The following DNAJC16 variants were observed in gnomAD, a reference collection of about 807,000 sequenced individuals.
DNAJC16 encodes DnaJ heat shock protein family (Hsp40) member C16.
In DNAJC16, 76 loss-of-function variants were observed where a neutral mutation model predicts 92.7. The observed-to-expected ratio is 0.82, with a 90% CI of 0.68 to 0.99. The LOEUF (loss-of-function observed/expected upper bound fraction) is 0.99. Ranked by LOEUF, DNAJC16 falls within the 50% of genes least tolerant of loss-of-function variation. DNAJC16 has a pLI of 0.00. For missense variants in DNAJC16, 869 were observed against 942.4 expected (o/e 0.92, Z 1.02); for synonymous variants, 328 against 358.7 (o/e 0.91, Z 0.97).
At chr1:15,536,848 A>G (rs1361402108) in intron 4 of DNAJC16, 34 bp downstream of exon 4, 2 of 1,545,116 alleles carry the variant, frequency 1.3e-6, no homozygotes, top group Admixed American at 2.1e-5. Context: ...AGATATTTAT[A>G]TAGATGACTT....
rs1330508634 is a variant in DNAJC16, at chr1:15,544,557, C to G, written c.733C>G (p.Leu245Val). Residue 245 changes from leucine to valine, a missense_variant, in exon 5 of 15, where the codon CTT becomes GTT. Leu to Val is a conservative substitution (Grantham distance 32). Coordinates refer to ENST00000375847, the MANE Select transcript of DNAJC16 (RefSeq NM_015291.4). ...RENLRQFVES[L>V]LPGNLVEKVT... ...AAATCTGCGACAATTTGTAGAAAGT[C>G]TTCTTCCAGGGAACTTGGTGGAGAA... 1 of 1,613,978 alleles carries G rather than the reference C, an allele frequency of 6.2e-7. No homozygotes were observed. Among genetic ancestry groups the G allele is most frequent in the Non-Finnish European group, 8.5e-7 (1 of 1,180,010 alleles).
At chr1:15,542,796 G>A (rs1710963470) in intron 4 of DNAJC16, among the ~76,000 whole-genome samples, 1 of 152,214 alleles carries the variant, frequency 6.6e-6, no homozygotes, top group Non-Finnish European at 1.5e-5. Flanking sequence ...AGCGTGTGGT[G>A]TCAGAAGGGA....
chr1:15,533,016 T>C (rs1710694394), intron 2 of DNAJC16, among the ~76,000 whole-genome samples: 1 of 152,202 alleles, frequency 6.6e-6, no homozygotes, highest in African/African-American at 2.4e-5. Context: ...CCCAGTGAAT[T>C]GTTTTTCTTT....
At chr1:15,552,974 T>A (rs1050853061) in intron 7 of DNAJC16, among the ~76,000 whole-genome samples, 2 of 152,018 alleles carry the variant, frequency 1.3e-5, no homozygotes, top group African/African-American at 4.8e-5. Flanking sequence ...TTCACCATGT[T>A]GGCCAGGCTG....
Position 15,568,597 on chromosome 1 carries a change from C to T in DNAJC16, c.*420C>T. ...TCATTGGCCCCTTCCCCAATCCCGG[C>T]CCTGCTGTGCTGCTGCCATGGCGCA... On this transcript the variant is annotated 3_prime_UTR_variant, in exon 15 of 15. Transcript: ENST00000375847. 2.5e-6 allele frequency: 1 copy of T among 407,082 alleles called. No homozygotes were observed. The highest frequency in any genetic ancestry group is 4.3e-6 in the Non-Finnish European group (1 of 230,888). The allele number at this position is 407,082 out of a possible 1,614,324, so 25.2% of individuals were successfully genotyped here.
chr1:15,544,313 A>G, intron 4 of DNAJC16, 86 bp from the exon 5 acceptor site: 2 of 1,380,026 alleles, frequency 1.4e-6, no homozygotes, highest in East Asian at 2.4e-5. Flanking sequence ...CGGGATTTCA[A>G]TTTCACACCA....
At position 15,564,372 on chromosome 1, in the gene DNAJC16, C is replaced by T. The variant is rs749662406; in HGVS notation, c.1598+13C>T. 3.2e-6 allele frequency: 5 copies of T among 1,543,346 alleles called. No individual in the cohort carries two copies. The highest frequency in any genetic ancestry group is 4.5e-6 in the Non-Finnish European group (5 of 1,115,598). On this transcript the variant is annotated intron_variant, in intron 11 of 14. Transcript: ENST00000375847. ...TTCACAACAACTGGTAGGGATATTG[C>T]CAGGCTGAATTTCTTTTTCTCTGTT... is the stretch of plus-strand genomic sequence containing the variant.
intron 7 of DNAJC16, among the ~76,000 whole-genome samples, chr1:15,555,433 C>T (rs1638546931): frequency 6.6e-6 from 1 of 151,516 alleles, no homozygotes; most frequent in Non-Finnish European, 1.5e-5. Flanking sequence ...GCCTGTAATC[C>T]CAGCATTTTG....
chr1:15,550,138 G>C (rs1443226966), intron 7 of DNAJC16, among the ~76,000 whole-genome samples: 1 of 152,162 alleles, frequency 6.6e-6, no homozygotes, highest in East Asian at 1.9e-4. Context: ...CAAGACAAGG[G>C]GGTGCCTGAT....
rs761884105 is a variant in DNAJC16 at position 15,568,039 on chromosome 1, A to C, written c.2211A>C (p.Glu737Asp). 2 of 1,614,200 alleles carry C rather than the reference A, an allele frequency of 1.2e-6. No homozygotes were observed. The highest frequency in any genetic ancestry group is 3.3e-5 in the Admixed American group (2 of 60,022). Residue 737 changes from glutamate to aspartate, a missense_variant, in exon 15 of 15, where the codon GAA becomes GAC. Glu to Asp is a conservative substitution (Grantham distance 45). Transcript: ENST00000375847. ...TTGACTCTTCCCTCTACCTGGGTGA[A>C]TCTCGAGGGAAACCTTCCTGTGGCC... ...SDVDSSLYLG[E>D]SRGKPSCGLG...
chr1:15,558,239 G>A (rs903069784), intron 7 of DNAJC16, among the ~76,000 whole-genome samples: 1 of 143,518 alleles, frequency 7.0e-6, no homozygotes, highest in African/African-American at 2.6e-5. Flanking sequence ...AGAGTCCAGT[G>A]GTGTGATCCT....
intron 7 of DNAJC16, among the ~76,000 whole-genome samples, chr1:15,552,257 G>T (rs1341230676): frequency 6.6e-6 from 1 of 151,718 alleles, no homozygotes; most frequent in African/African-American, 2.4e-5. Context: ...GGAGGCTGAG[G>T]CAGGTGGATC....
In DNAJC16 at chr1:15,548,335, G is replaced by T; in HGVS notation, c.930G>T (p.Thr310=). ...FGYVYVGLRG[T]EEMTRRYNIN... ...ATGTATATGTGGGTTTGAGAGGGAC[G>T]GAAGAGATGACAAGGCGGTACAACA... Residue 310 remains threonine (T), a synonymous_variant, in exon 7 of 15, where the codon ACG becomes ACT. Transcript: ENST00000375847. 2 of 1,614,132 alleles carry T rather than the reference G, an allele frequency of 1.2e-6. No individual in the cohort carries two copies. The highest frequency in any genetic ancestry group is 1.7e-6 in the Non-Finnish European group (2 of 1,179,998).
rs1710797898 is a variant in DNAJC16, at chr1:15,536,705, A to C, written c.465A>C (p.Pro155=). Reference sequence around the variant, plus strand: ...CACATTATGTGAATGAAGTGGTTCCAGATAGCTTCAAGAAACCCTACCTCA... The same window carrying C: ...CACATTATGTGAATGAAGTGGTTCCCGATAGCTTCAAGAAACCCTACCTCA... ...HFSHYVNEVV[P]DSFKKPYLIK... is the part of the protein sequence containing the mutation. Residue 155 remains proline, a synonymous_variant, in exon 4 of 15, where the codon CCA becomes CCC. Coordinates refer to ENST00000375847, the MANE Select transcript of DNAJC16 (RefSeq NM_015291.4). 1 of 1,614,082 alleles carries C rather than the reference A, an allele frequency of 6.2e-7. No individual in the cohort carries two copies. Among genetic ancestry groups the C allele is most frequent in the Non-Finnish European group, 8.5e-7 (1 of 1,180,038 alleles).
Position 15,566,076 on chromosome 1 carries a change from C to G in DNAJC16, c.1680-6C>G. 1 of 1,612,498 alleles carries G rather than the reference C, an allele frequency of 6.2e-7. No individual in the cohort carries two copies. The highest frequency in any genetic ancestry group is 1.7e-5 in the Admixed American group (1 of 59,538). On this transcript the variant is annotated splice_polypyrimidine_tract_variant and splice_region_variant and intron_variant, in intron 12 of 14. Coordinates refer to ENST00000375847, the MANE Select transcript of DNAJC16 (RefSeq NM_015291.4). ...TTTTTGTAAAACTCCTTTTTTCTTA[C>G]TTTAGCGACTCTAATGATGAGCGAG...
chr1:15,565,136 C>G, intron 11 of DNAJC16: 1 of 152,544 alleles, frequency 6.6e-6, no homozygotes, highest in Non-Finnish European at 1.5e-5. Context: ...TGCCCGGCCA[C>G]TTCCCTTTTT....
At chr1:15,554,170 T>G (rs1269161772) in intron 7 of DNAJC16, among the ~76,000 whole-genome samples, 1 of 151,586 alleles carries the variant, frequency 6.6e-6, no homozygotes, top group East Asian at 1.9e-4. Flanking sequence ...GCCACTGCAC[T>G]ACAACCTGAG....
chr1:15,570,872 G>C lies in DNAJC16; in HGVS notation c.*2695G>C, dbSNP rs368861364. On this transcript the variant is annotated 3_prime_UTR_variant, in exon 15 of 15. Coordinates refer to ENST00000375847, the MANE Select transcript of DNAJC16 (RefSeq NM_015291.4). ...TGTAATCATACAAGACCTGATTTTG[G>C]TTCTAACACAGTGGTCTTTGACTAT... 2.0e-5 allele frequency: 3 copies of C among 152,264 alleles called. No homozygotes were observed. Among genetic ancestry groups the C allele is most frequent in the Admixed American group, 6.5e-5 (1 of 15,284 alleles). 9.4% of individuals were successfully genotyped at this position (152,264 alleles called of 1,614,324 possible). A position where few individuals can be genotyped will look rare whatever the true frequency, so the allele number is the denominator to read the frequency against.
intron 2 of DNAJC16, among the ~76,000 whole-genome samples, chr1:15,533,379 C>T (rs1710703848): frequency 1.3e-5 from 2 of 152,194 alleles, no homozygotes; most frequent in Non-Finnish European, 2.9e-5. Flanking sequence ...GTATTCCCAA[C>T]ACTTTTGGAG....
Sources: gnomAD v4.1 joint callset for allele counts (sites outside exome capture counted in the v4.1 genomes callset) on GRCh38, gnomAD v4.1.1 for gene constraint, MANE v1.5 for transcripts, NCBI Gene and HGNC (gene_info 2026-07-23, HGNC 2026-07-21) for gene names.